Variants in ALOX5 observed in about 807,000 individuals in gnomAD.
ALOX5 encodes polyunsaturated fatty acid 5-lipoxygenase.
Under a neutral mutation model 87.9 loss-of-function variants are expected in ALOX5, and 64 were observed. The observed-to-expected ratio is 0.73, with a 90% CI of 0.60 to 0.90. The LOEUF is 0.90. ALOX5 is among the 40% of genes least tolerant of loss of function. The pLI is 0.00. For missense variants in ALOX5, 822 were observed against 907.5 expected (o/e 0.91, Z 1.21); for synonymous variants, 388 against 355.1 (o/e 1.09, Z -1.04).
intron 9 of ALOX5, 81 bp from the exon 10 acceptor site, chr10:45,442,957 C>T (rs1010268448): frequency 9.5e-6 from 14 of 1,476,016 alleles, no homozygotes; most frequent in South Asian, 1.3e-5. Context: ...TCCTCGCCTC[C>T]CCTGGCACAT....
At chr10:45,441,621 G>A (rs921350522) in intron 9 of ALOX5, 191 bp downstream of exon 9, 5 of 536,596 alleles carry the variant, frequency 9.3e-6, no homozygotes, top group Non-Finnish European at 1.6e-5. Flanking sequence ...TCCTCCAGGC[G>A]CACCACCAGG....
intron 2 of ALOX5, among the ~76,000 whole-genome samples, chr10:45,384,000 G>A (rs1839929647): frequency 6.6e-6 from 1 of 152,044 alleles, no homozygotes. Flanking sequence ...GCTCATCTTG[G>A]CAAAAAACAG....
At chr10:45,442,866 C>T (rs367778224) in intron 9 of ALOX5, 172 bp from the exon 10 acceptor site, 18 of 676,568 alleles carry the variant, frequency 2.7e-5, no homozygotes, top group Non-Finnish European at 3.9e-5. Flanking sequence ...CCTCTCCACC[C>T]GGCTGCCCTT....
intron 1 of ALOX5, among the ~76,000 whole-genome samples, chr10:45,376,709 G>A (rs1839627214): frequency 6.6e-6 from 1 of 152,154 alleles, no homozygotes; most frequent in Admixed American, 6.5e-5. Context: ...CTCCTCCAGG[G>A]CATAGTTCAG....
Position 45,443,217 on chromosome 10 carries a change from G to A in ALOX5, c.1451+1G>A. ...TCCTGGTGTGGGAAGCCATCAGGACGTGAGCGCCCGCGGGGCGGTGGTCCT... is the reference window on the plus strand; with the variant it reads ...TCCTGGTGTGGGAAGCCATCAGGACATGAGCGCCCGCGGGGCGGTGGTCCT... On this transcript the variant is annotated splice_donor_variant, in intron 10 of 13. Transcript: ENST00000374391. LOFTEE classifies it high-confidence loss of function. 1 of 1,612,416 alleles carries A rather than the reference G, an allele frequency of 6.2e-7. No homozygotes were observed. The highest frequency in any genetic ancestry group is 8.5e-7 in the Non-Finnish European group (1 of 1,179,320).
intron 9 of ALOX5, among the ~76,000 whole-genome samples, chr10:45,441,992 C>T (rs1014001086): frequency 6.6e-6 from 1 of 152,168 alleles, no homozygotes; most frequent in African/African-American, 2.4e-5. Context: ...TCCTCCTTTC[C>T]CCAGCCCATT....
intron 3 of ALOX5, among the ~76,000 whole-genome samples, chr10:45,399,130 A>G (rs1237020286): frequency 6.6e-6 from 1 of 152,244 alleles, no homozygotes; most frequent in East Asian, 1.9e-4. Context: ...AGAATGAAAT[A>G]CTGACACTTG....
chr10:45,433,150 C>T (rs1032637383), intron 7 of ALOX5, among the ~76,000 whole-genome samples: 7 of 152,206 alleles, frequency 4.6e-5, no homozygotes, highest in African/African-American at 1.4e-4. Flanking sequence ...AGGGGTAACT[C>T]CCAGACACCA....
chr10:45,436,399 C>A (rs1842061560), intron 7 of ALOX5, among the ~76,000 whole-genome samples: 1 of 152,140 alleles, frequency 6.6e-6, no homozygotes, highest in African/African-American at 2.4e-5. Context: ...ACATTTAAGT[C>A]TGTAATCCAT....
chr10:45,428,586 C>T (rs1841809585), intron 6 of ALOX5, 32 bp from the exon 7 acceptor site: 1 of 1,612,470 alleles, frequency 6.2e-7, no homozygotes, highest in Admixed American at 1.7e-5. Context: ...TCTGCTGAGC[C>T]TGATTTGGAC....
intron 2 of ALOX5, among the ~76,000 whole-genome samples, chr10:45,385,237 A>G (rs1045449917): frequency 1.3e-5 from 2 of 152,164 alleles, no homozygotes; most frequent in African/African-American, 2.4e-5. Context: ...TGATTCAATT[A>G]CTCACCATAT....
At chr10:45,429,828 C>T (rs1372932010) in intron 7 of ALOX5, among the ~76,000 whole-genome samples, 2 of 152,140 alleles carry the variant, frequency 1.3e-5, no homozygotes, top group African/African-American at 4.8e-5. Flanking sequence ...TTTAGATAAC[C>T]TATCTTTATT....
At chr10:45,437,585 C>A (rs1445500193) in intron 7 of ALOX5, among the ~76,000 whole-genome samples, 4 of 152,064 alleles carry the variant, frequency 2.6e-5, no homozygotes, top group Non-Finnish European at 4.4e-5. Flanking sequence ...GTACTTTAAC[C>A]AAGATATTTG....
chr10:45,422,657 C>G (rs1290006725), intron 4 of ALOX5, among the ~76,000 whole-genome samples: 2 of 152,206 alleles, frequency 1.3e-5, no homozygotes, highest in Non-Finnish European at 2.9e-5. Flanking sequence ...TGAGTTTGCA[C>G]TTAAGCTGCA....
chr10:45,443,776 C>T lies in ALOX5; in HGVS notation c.1622C>T (p.Thr541Ile). ...CGGGAGCAGCTGTCGGAGTACCTGA[C>T]CGTGGTGATCTTCACCGCCTCCGCC... ...KSREQLSEYL[T>I]VVIFTASAQH... Residue 541 changes from threonine to isoleucine, a missense_variant, in exon 12 of 14, where the codon ACC (threonine) becomes ATC (isoleucine). Coordinates refer to ENST00000374391, the MANE Select transcript of ALOX5 (RefSeq NM_000698.5). 1.9e-6 allele frequency: 3 copies of T among 1,612,380 alleles called. No individual in the cohort carries two copies. Among genetic ancestry groups the T allele is most frequent in the Non-Finnish European group, 2.5e-6 (3 of 1,179,426 alleles).
At chr10:45,412,736 A>G (rs1291935016) in intron 4 of ALOX5, among the ~76,000 whole-genome samples, 1 of 152,116 alleles carries the variant, frequency 6.6e-6, no homozygotes, top group East Asian at 1.9e-4. Context: ...CTCCGTCACA[A>G]CCCCACGAGG....
chr10:45,415,737 CAT>C (rs1841264862), intron 4 of ALOX5, among the ~76,000 whole-genome samples: 1 of 152,188 alleles, frequency 6.6e-6, no homozygotes. Flanking sequence ...ACTGAATCCA[CAT>C]GTTGCAAAAG....
intron 2 of ALOX5, among the ~76,000 whole-genome samples, chr10:45,395,098 A>G (rs1372531711): frequency 1.3e-5 from 2 of 152,344 alleles, no homozygotes; most frequent in Admixed American, 1.3e-4. Context: ...CAGCCATCCC[A>G]TTACTGGGTA....
intron 3 of ALOX5, among the ~76,000 whole-genome samples, chr10:45,410,475 C>CA: frequency 6.6e-6 from 1 of 152,174 alleles, no homozygotes; most frequent in East Asian, 1.9e-4. Flanking sequence ...AAACACTTGA[C>CA]AAAATGCCTT....
Sources: allele counts gnomAD v4.1 joint callset (sites outside exome capture counted in the v4.1 genomes callset), GRCh38; gene constraint gnomAD v4.1.1; transcripts MANE v1.5; gene names NCBI Gene and HGNC (gene_info 2026-07-23, HGNC 2026-07-21).